Variants in DDAH1 observed in about 807,000 individuals in gnomAD.
DDAH1 encodes the protein dimethylarginine dimethylaminohydrolase 1, also known as N(G),N(G)-dimethylarginine dimethylaminohydrolase 1.
A neutral mutation model predicts 28.8 loss-of-function variants in DDAH1; 19 were observed. The observed-to-expected ratio is 0.66, with a 90% CI of 0.46 to 0.97. The LOEUF (loss-of-function observed/expected upper bound fraction) is 0.97. DDAH1 is among the 50% of genes least tolerant of loss of function. The pLI is 0.00. For missense variants in DDAH1, 326 were observed against 375.9 expected (o/e 0.87, Z 1.10); for synonymous variants, 153 against 154.4 (o/e 0.99, Z 0.07).
intron 4 of DDAH1, among the ~76,000 whole-genome samples, chr1:85,334,400 A>G (rs20862): frequency 0.053 from 8,137 of 152,234 alleles, 753 homozygotes; most frequent in African/African-American, 0.19. Context: ...AATAATTCTA[A>G]AAACAGCAAG....
intron 1 of DDAH1, among the ~76,000 whole-genome samples, chr1:85,453,541 T>C (rs892837828): frequency 6.6e-6 from 1 of 152,226 alleles, no homozygotes; most frequent in African/African-American, 2.4e-5. Flanking sequence ...TACATTCCAC[T>C]CTTAGTACTA....
chr1:85,574,508 A>G (rs1481410501), intron 1 of DDAH1, among the ~76,000 whole-genome samples: 5 of 152,198 alleles, frequency 3.3e-5, no homozygotes, highest in Admixed American at 1.3e-4. Context: ...CTGCCCTGCT[A>G]TCAAACTCCT....
chr1:85,500,111 TTCTTTTC>T (rs1656747189), intron 1 of DDAH1, among the ~76,000 whole-genome samples: 2 of 24,610 alleles, frequency 8.1e-5, no homozygotes, highest in Non-Finnish European at 1.6e-4. Flanking sequence ...CCTCTTTCTT[TTCTTTTC>T]TTTCTTTCTT....
At chr1:85,461,768 G>C (rs1470339201) in intron 1 of DDAH1, among the ~76,000 whole-genome samples, 1 of 152,176 alleles carries the variant, frequency 6.6e-6, no homozygotes, top group Non-Finnish European at 1.5e-5. Flanking sequence ...ATAATAGTGG[G>C]AGATACAGAA....
chr1:85,403,764 G>A (rs983953790), intron 1 of DDAH1, among the ~76,000 whole-genome samples: 1 of 152,128 alleles, frequency 6.6e-6, no homozygotes, highest in Admixed American at 6.5e-5. Flanking sequence ...TATTAAATCA[G>A]TTCAAATTTT....
intron 4 of DDAH1, among the ~76,000 whole-genome samples, chr1:85,327,616 A>G (rs1403167088): frequency 3.3e-5 from 5 of 152,218 alleles, no homozygotes; most frequent in Non-Finnish European, 7.3e-5. Context: ...CATGGGCTTC[A>G]GAGTCAGAAA....
At chr1:85,564,824 A>C (rs1659247339) in intron 1 of DDAH1, among the ~76,000 whole-genome samples, 1 of 151,582 alleles carries the variant, frequency 6.6e-6, no homozygotes, top group African/African-American at 2.4e-5. Flanking sequence ...AGATTGTGCC[A>C]CTGCACTCCA....
chr1:85,324,761 T>C lies in DDAH1; in HGVS notation c.720A>G (p.Glu240=), dbSNP rs1187281494. The change falls in exon 5 of 6, where the codon GAA becomes GAG. Residue 240 remains glutamate, a synonymous_variant. Transcript: ENST00000284031. ...KGHVLLHRTP[E]EYPESAKVYE... ...TTACCTTTGCACTTTCTGGATACTC[T>C]TCCGGGGTTCGGTGCAGCAAGACGT... The C allele has an allele frequency of 6.2e-7, 1 of 1,614,206 alleles. No individual in the cohort carries two copies. Among genetic ancestry groups the C allele is most frequent in the Non-Finnish European group, 8.5e-7 (1 of 1,180,036 alleles).
chr1:85,536,417 G>C (rs1658279535), intron 1 of DDAH1, among the ~76,000 whole-genome samples: 1 of 151,748 alleles, frequency 6.6e-6, no homozygotes, highest in Admixed American at 6.6e-5. Flanking sequence ...GCTGGGTGTG[G>C]GGGCACATGC....
At chr1:85,479,206 G>T (rs1403948823) in intron 2 of DDAH1, among the ~76,000 whole-genome samples, 7 of 113,842 alleles carry the variant, frequency 6.1e-5, no homozygotes, top group African/African-American at 1.3e-4. Flanking sequence ...TTGCTCTGTC[G>T]CCCAGGCCGG....
At chr1:85,407,881 C>T (rs1270978599) in intron 1 of DDAH1, among the ~76,000 whole-genome samples, 1 of 152,172 alleles carries the variant, frequency 6.6e-6, no homozygotes. Context: ...AAGCTCGGCT[C>T]TTTTGGTTAC....
At chr1:85,378,424 T>C (rs549669671) in intron 1 of DDAH1, among the ~76,000 whole-genome samples, 2 of 152,312 alleles carry the variant, frequency 1.3e-5, no homozygotes, top group East Asian at 1.9e-4. Flanking sequence ...TTATTGTTTT[T>C]TTGAGACAGG....
intron 1 of DDAH1, among the ~76,000 whole-genome samples, chr1:85,427,879 A>G (rs1653486286): frequency 6.6e-6 from 1 of 152,192 alleles, no homozygotes; most frequent in Non-Finnish European, 1.5e-5. Context: ...GGGAGGGGAT[A>G]GGAAAGGCTC....
At chr1:85,405,806 G>A (rs115307530) in intron 1 of DDAH1, among the ~76,000 whole-genome samples, 86 of 152,282 alleles carry the variant, frequency 5.6e-4, no homozygotes, top group Non-Finnish European at 1.1e-3. Context: ...GAATGCCAAG[G>A]TGCAAGACTA....
intron 2 of DDAH1, among the ~76,000 whole-genome samples, chr1:85,476,732 T>C (rs1454231049): frequency 6.6e-6 from 1 of 152,190 alleles, no homozygotes; most frequent in Non-Finnish European, 1.5e-5. Context: ...AGACACTTTC[T>C]CTTGATGGAA....
intron 1 of DDAH1, chr1:85,379,463 T>C (rs1650864851): frequency 2.9e-6 from 1 of 340,516 alleles, no homozygotes; most frequent in East Asian, 1.7e-4. Flanking sequence ...TAGTGACAGG[T>C]AGAGATAATG....
At chr1:85,575,437 G>A (rs1659574783) in intron 1 of DDAH1, among the ~76,000 whole-genome samples, 1 of 152,138 alleles carries the variant, frequency 6.6e-6, no homozygotes, top group South Asian at 2.1e-4. Flanking sequence ...AAGAACCCCA[G>A]AGGTCCTAAA....
intron 1 of DDAH1, among the ~76,000 whole-genome samples, chr1:85,412,725 G>C (rs1411030315): frequency 2.6e-5 from 4 of 152,308 alleles, no homozygotes; most frequent in African/African-American, 9.6e-5. Context: ...TGAGGGCCAG[G>C]CATGGTGGCC....
intron 2 of DDAH1, among the ~76,000 whole-genome samples, chr1:85,470,521 A>G (rs758932676): frequency 6.6e-6 from 1 of 152,238 alleles, no homozygotes; most frequent in Non-Finnish European, 1.5e-5. Context: ...GGAATTCTCA[A>G]AGAGAAGGAG....
Sources: allele counts gnomAD v4.1 joint callset (sites outside exome capture counted in the v4.1 genomes callset), GRCh38; gene constraint gnomAD v4.1.1; transcripts MANE v1.5; gene names NCBI Gene and HGNC (gene_info 2026-07-23, HGNC 2026-07-21).